NELL1: variants seen among roughly 807,000 people sequenced by gnomAD.
NELL1 encodes neural EGFL like 1.
In NELL1, 76 loss-of-function variants were observed where a neutral mutation model predicts 107.4. The ratio of observed to expected loss-of-function variants is 0.71; its 90% CI spans 0.59 to 0.86. NELL1 has a LOEUF of 0.86. NELL1 is among the 40% of genes least tolerant of loss of function. NELL1 has a pLI of 0.00. For missense variants in NELL1, 1,024 were observed against 1,005.5 expected, an observed-to-expected ratio of 1.02 and a Z score of -0.25; for synonymous variants, 353 against 341.2, an observed-to-expected ratio of 1.03 and a Z score of -0.38.
chr11:20,975,876 C>T (rs1023258420), intron 12 of NELL1, among the ~76,000 whole-genome samples: 13 of 122,534 alleles, frequency 1.1e-4, no homozygotes, highest in African/African-American at 3.5e-4. Flanking sequence ...TATATATACA[C>T]ATACATGTGT....
chr11:21,362,704 G>A (rs1051623480), intron 14 of NELL1, among the ~76,000 whole-genome samples: 1 of 152,172 alleles, frequency 6.6e-6, no homozygotes, highest in African/African-American at 2.4e-5. Context: ...GCCAGGGTAA[G>A]TATTTTGGTT....
chr11:20,880,132 T>G (rs1168743732), intron 4 of NELL1, among the ~76,000 whole-genome samples: 1 of 152,222 alleles, frequency 6.6e-6, no homozygotes, highest in Non-Finnish European at 1.5e-5. Context: ...AAATAGACAA[T>G]GAGTTCTTGC....
chr11:20,676,857 A>G (rs929317860), intron 1 of NELL1, among the ~76,000 whole-genome samples: 1 of 152,228 alleles, frequency 6.6e-6, no homozygotes, highest in African/African-American at 2.4e-5. Context: ...AACATTTCCA[A>G]CAGCACAGTC....
At chr11:21,304,580 C>G (rs200325602) in intron 14 of NELL1, among the ~76,000 whole-genome samples, 3 of 146,896 alleles carry the variant, frequency 2.0e-5, no homozygotes, top group Non-Finnish European at 4.5e-5. Context: ...TTTTTTTTTT[C>G]TCTCTCTCTC....
intron 15 of NELL1, among the ~76,000 whole-genome samples, chr11:21,403,965 C>T (rs1453967618): frequency 6.7e-6 from 1 of 148,834 alleles, no homozygotes; most frequent in Non-Finnish European, 1.5e-5. Flanking sequence ...CTCCTCTAAC[C>T]CTTGATCAAT....
intron 13 of NELL1, among the ~76,000 whole-genome samples, chr11:21,167,010 A>C (rs1267582832): frequency 6.6e-6 from 1 of 151,910 alleles, no homozygotes; most frequent in Non-Finnish European, 1.5e-5. Context: ...TTATATACTG[A>C]GTAACAGGAA....
chr11:21,009,670 C>A (rs1404931643), intron 12 of NELL1, among the ~76,000 whole-genome samples: 2 of 152,082 alleles, frequency 1.3e-5, no homozygotes, highest in Admixed American at 1.3e-4. Flanking sequence ...TTATATTTGA[C>A]ATGCCCGTAG....
intron 12 of NELL1, among the ~76,000 whole-genome samples, chr11:21,045,904 A>G (rs530588585): frequency 2.9e-4 from 44 of 152,232 alleles, no homozygotes; most frequent in African/African-American, 1.1e-3. Context: ...CAACACACAC[A>G]TATGTCCTCT....
chr11:20,769,152 G>C (rs1027198685), intron 2 of NELL1: 1 of 152,482 alleles, frequency 6.6e-6, no homozygotes, highest in Non-Finnish European at 1.5e-5. Context: ...TGACAGTGAG[G>C]GGCTGATGCA....
Position 21,040,160 on chromosome 11 carries a change from C to A in NELL1, c.1301-73429C>A, listed in dbSNP as rs529629279. On this transcript the variant is annotated intron_variant, in intron 12 of 19. Transcript: ENST00000357134. ...TTACAGGTTGAAATTATTACACACA[C>A]ACACTATATATGTGTGTGTGTGTAA... Among the ~76,000 whole-genome samples, 118 of 151,154 alleles carry A rather than the reference C, an allele frequency of 7.8e-4. 1 individual carries two copies. The highest frequency in any genetic ancestry group is 6.8e-3 in the Middle Eastern group (2 of 294).
intron 13 of NELL1, among the ~76,000 whole-genome samples, chr11:21,206,732 G>A (rs775763348): frequency 6.6e-6 from 1 of 152,010 alleles, no homozygotes; most frequent in Non-Finnish European, 1.5e-5. Flanking sequence ...AGTTCCTTTT[G>A]CTTTTTTTGT....
intron 3 of NELL1, among the ~76,000 whole-genome samples, chr11:20,825,910 C>T (rs1483812822): frequency 6.6e-6 from 1 of 151,018 alleles, no homozygotes; most frequent in Non-Finnish European, 1.5e-5. Context: ...ATTGTAATTC[C>T]CATGTGTTTG....
At chr11:21,142,605 G>A (rs989119409) in intron 13 of NELL1, among the ~76,000 whole-genome samples, 2 of 152,190 alleles carry the variant, frequency 1.3e-5, no homozygotes, top group African/African-American at 2.4e-5. Flanking sequence ...GATCATGGCC[G>A]AGGTAGTGTG....
chr11:21,382,860 T>C (rs1851643781), intron 15 of NELL1, among the ~76,000 whole-genome samples: 1 of 151,918 alleles, frequency 6.6e-6, no homozygotes, highest in African/African-American at 2.4e-5. Context: ...AGTCAAGAGT[T>C]TGGTTCATAT....
intron 4 of NELL1, among the ~76,000 whole-genome samples, chr11:20,878,494 C>T (rs1278965808): frequency 6.8e-6 from 1 of 148,002 alleles, no homozygotes; most frequent in African/African-American, 2.6e-5. Context: ...TTCAAATTTT[C>T]TATCTCTATC....
chr11:20,819,611 A>G (rs1857705058), intron 3 of NELL1, among the ~76,000 whole-genome samples: 1 of 152,186 alleles, frequency 6.6e-6, no homozygotes, highest in Non-Finnish European at 1.5e-5. Context: ...GATGAGGGTA[A>G]GATAAATAAC....
chr11:20,917,498 G>A (rs1850282820), intron 5 of NELL1, among the ~76,000 whole-genome samples: 1 of 151,842 alleles, frequency 6.6e-6, no homozygotes, highest in Non-Finnish European at 1.5e-5. Context: ...TCTTCCATCT[G>A]TTCTGTAATA....
intron 13 of NELL1, among the ~76,000 whole-genome samples, chr11:21,223,853 C>T (rs1397279850): frequency 2.0e-5 from 3 of 152,190 alleles, no homozygotes; most frequent in African/African-American, 7.2e-5. Context: ...ATCAGGTCTA[C>T]TGGTGATGAA....
rs982683436 is a variant in NELL1, at chr11:21,267,223, T to C, written c.1549+37769T>C. Among the ~76,000 whole-genome samples the C allele has an allele frequency of 3.9e-5, 6 of 152,186 alleles. No homozygotes were observed. The South Asian group carries it at 1.0e-3, about 26-fold the overall frequency. ...CTCCAAATCAAAGACAAAGTGATCA[T>C]TCAAATAGTGTGTGCAATAATGTTA... On this transcript the variant is annotated intron_variant, in intron 14 of 19. Coordinates refer to ENST00000357134, the MANE Select transcript of NELL1 (RefSeq NM_006157.5).
Sources: allele counts gnomAD v4.1 joint callset (sites outside exome capture counted in the v4.1 genomes callset), GRCh38; gene constraint gnomAD v4.1.1; transcripts MANE v1.5; gene names NCBI Gene and HGNC (gene_info 2026-07-23, HGNC 2026-07-21).